Variants in OPN5 observed in about 807,000 individuals in gnomAD.
OPN5 encodes the protein opsin 5, also known as opsin-5.
OPN5 carries 18 observed loss-of-function variants against 41.7 expected under a neutral mutation model. The ratio of observed to expected loss-of-function variants is 0.43; its 90% CI spans 0.30 to 0.64. The LOEUF is 0.64. OPN5 is among the 30% of genes least tolerant of loss of function. The probability of loss-of-function intolerance (pLI) is 0.13; values close to 1 mark genes in which losing one functional copy is unlikely to be tolerated. For synonymous variants in OPN5, 178 were observed against 164.3 expected (o/e 1.08, Z -0.64); for missense variants, 318 against 434.5 (o/e 0.73, Z 2.38).
exon 4 of OPN5, chr6:47,795,476 T>G: frequency 6.2e-7 from 1 of 1,614,078 alleles, no homozygotes. Flanking sequence ...TAAAGATCAT[T>G]GCCAAGGTTA....
chr6:47,789,102 C>T (rs952359480), intron 2 of OPN5, among the ~76,000 whole-genome samples: 1 of 152,086 alleles, frequency 6.6e-6, no homozygotes, highest in African/African-American at 2.4e-5. Context: ...TGTAATCTTA[C>T]TCCATTCTGT....
intron 3 of OPN5, 31 bp downstream of exon 3, chr6:47,792,003 G>A: frequency 1.3e-6 from 2 of 1,540,020 alleles, no homozygotes; most frequent in Non-Finnish European, 1.8e-6. Flanking sequence ...TTCCCTGACA[G>A]TTAAAGCTAG....
At chr6:47,805,616 C>T (rs950068115) in intron 4 of OPN5, among the ~76,000 whole-genome samples, 4 of 152,052 alleles carry the variant, frequency 2.6e-5, no homozygotes, top group African/African-American at 9.7e-5. Flanking sequence ...GTCAAGTAGA[C>T]CGAAGGCTGT....
intron 3 of OPN5, among the ~76,000 whole-genome samples, chr6:47,794,214 C>T (rs1773473522): frequency 6.6e-6 from 1 of 152,196 alleles, no homozygotes; most frequent in Non-Finnish European, 1.5e-5. Context: ...ACTTTCCAAA[C>T]CTCACATTGC....
intron 2 of OPN5, among the ~76,000 whole-genome samples, chr6:47,789,619 C>A (rs1044030301): frequency 2.0e-5 from 3 of 152,092 alleles, no homozygotes; most frequent in African/African-American, 4.8e-5. Flanking sequence ...TATGAGGGCA[C>A]CTAGTCTAGC....
At chr6:47,782,307 G>A (rs546879440) in intron 1 of OPN5, 111 bp downstream of exon 1, 20 of 954,028 alleles carry the variant, frequency 2.1e-5, no homozygotes, top group South Asian at 8.0e-5. Context: ...TAGTGGAGGC[G>A]AAGAGTGGGG....
chr6:47,815,906 C>T (rs762201279), intron 6 of OPN5, among the ~76,000 whole-genome samples: 131 of 152,106 alleles, frequency 8.6e-4, no homozygotes, highest in Non-Finnish European at 1.5e-3. Flanking sequence ...TTCAATCAAA[C>T]CATTATCATT....
chr6:47,825,746 T>C (rs1247955246), downstream of OPN5: 1 of 152,202 alleles, frequency 6.6e-6, no homozygotes, highest in Admixed American at 6.6e-5. Flanking sequence ...TTCCCCTATT[T>C]TTTCTGTAAA....
chr6:47,812,549 T>G (rs1372543376), intron 6 of OPN5, among the ~76,000 whole-genome samples: 1 of 152,130 alleles, frequency 6.6e-6, no homozygotes, highest in Non-Finnish European at 1.5e-5. Context: ...GATGTAGATA[T>G]GAATGAGATG....
At chr6:47,786,136 G>A (rs933957721) in intron 1 of OPN5, among the ~76,000 whole-genome samples, 2 of 152,222 alleles carry the variant, frequency 1.3e-5, no homozygotes, top group African/African-American at 4.8e-5. Flanking sequence ...AGAGCTAAGG[G>A]TTTAACCCTA....
At chr6:47,791,809 C>G in exon 3 of OPN5, 1 of 1,613,896 alleles carries the variant, frequency 6.2e-7, no homozygotes, top group Non-Finnish European at 8.5e-7. Context: ...TAGTTGTAGG[C>G]AAGCCGTTCA....
intron 5 of OPN5, among the ~76,000 whole-genome samples, chr6:47,811,057 A>T (rs1364265570): frequency 6.6e-6 from 1 of 152,222 alleles, no homozygotes; most frequent in Non-Finnish European, 1.5e-5. Flanking sequence ...AGTACAGCTC[A>T]TGGAGTCATA....
rs576275195 is a variant in OPN5, at chr6:47,812,915, C to A, written c.1056+1184C>A. ...CTTGAAGGTTTGTAGAGAATCATAC[C>A]CTCCTCCAAGGCTCAACCTCAGTAC... is the stretch of plus-strand genomic sequence containing the variant. On this transcript the variant is annotated intron_variant, in intron 6 of 6. Coordinates refer to ENST00000371211, the Ensembl canonical transcript of OPN5. Among the ~76,000 whole-genome samples, 7 of 152,222 alleles carry A rather than the reference C, an allele frequency of 4.6e-5. No homozygotes were observed. In the South Asian group the frequency reaches 1.4e-3, roughly 32 times the overall value.
chr6:47,808,890 T>C (rs1405520310), intron 5 of OPN5, among the ~76,000 whole-genome samples: 2 of 152,120 alleles, frequency 1.3e-5, no homozygotes, highest in East Asian at 1.9e-4. Context: ...TTCACAAGAG[T>C]CTTGGGTTAT....
downstream of OPN5, chr6:47,825,614 T>A (rs1199847758): frequency 1.3e-5 from 2 of 152,242 alleles, no homozygotes; most frequent in Non-Finnish European, 2.9e-5. Flanking sequence ...GTGATTCAAG[T>A]CTCTGTTATT....
chr6:47,823,518 G>A (rs1379636954), intron 6 of OPN5: 1 of 165,294 alleles, frequency 6.0e-6, no homozygotes, highest in Non-Finnish European at 1.3e-5. Context: ...TGCACAATTT[G>A]TGGTAGTGCG....
At chr6:47,782,772 G>A (rs148143416) in intron 1 of OPN5, among the ~76,000 whole-genome samples, 67 of 152,226 alleles carry the variant, frequency 4.4e-4, no homozygotes, top group African/African-American at 1.5e-3. Context: ...AAGAAAGTCC[G>A]GGGTCAAAAG....
At chr6:47,782,986 CA>C (rs921982690) in intron 1 of OPN5, among the ~76,000 whole-genome samples, 3 of 151,870 alleles carry the variant, frequency 2.0e-5, no homozygotes, top group Non-Finnish European at 4.4e-5. Context: ...GAACATACAA[CA>C]TTTTAGGTAT....
At chr6:47,811,592 AC>A in intron 5 of OPN5, 81 bp from the exon 6 acceptor site, 1 of 758,818 alleles carries the variant, frequency 1.3e-6, no homozygotes, top group South Asian at 1.9e-5. Context: ...TTTGACATAT[AC>A]ATATGTATGT....
Sources: allele counts gnomAD v4.1 joint callset (sites outside exome capture counted in the v4.1 genomes callset), GRCh38; gene constraint gnomAD v4.1.1; transcripts MANE v1.5; gene names NCBI Gene and HGNC (gene_info 2026-07-23, HGNC 2026-07-21).